The following CACNB2 variants were observed in gnomAD, a reference collection of about 807,000 sequenced individuals.
CACNB2 encodes voltage-dependent L-type calcium channel subunit beta-2.
A neutral mutation model predicts 73.3 loss-of-function variants in CACNB2; 42 were observed. The ratio of observed to expected loss-of-function variants is 0.57; its 90% CI spans 0.45 to 0.74. The LOEUF (loss-of-function observed/expected upper bound fraction) is 0.74. CACNB2 is among the 30% of genes least tolerant of loss of function. The probability of loss-of-function intolerance (pLI) is 0.00; values close to 1 mark genes in which losing one functional copy is unlikely to be tolerated. For missense variants in CACNB2, 940 were observed against 853.0 expected, an observed-to-expected ratio of 1.10 and a Z score of -1.27; for synonymous variants, 348 against 310.3, an observed-to-expected ratio of 1.12 and a Z score of -1.28.
In CACNB2 at chr10:18,322,876, A is replaced by AT. The variant is rs78454829; in HGVS notation, c.214-79035dup. Among the ~76,000 whole-genome samples the AT allele has an allele frequency of 9.1e-3, 1,302 of 142,750 alleles. 11 individuals are homozygous for AT. The highest frequency in any genetic ancestry group is 0.025 in the African/African-American group (965 of 39,174). 93.6% of individuals were successfully genotyped at this position (142,750 alleles called of 152,430 possible). A position where few individuals can be genotyped will look rare whatever the true frequency, so the allele number is the denominator to read the frequency against. ...CTAAAAACATCAAGAAATATTTTTAATTTTTTTTTTTTTGGAAATGAGATG... is the reference window on the plus strand; with the variant it reads ...CTAAAAACATCAAGAAATATTTTTAATTTTTTTTTTTTTTGGAAATGAGATG... On this transcript the variant is annotated intron_variant, in intron 2 of 13. Coordinates refer to ENST00000324631, the MANE Select transcript of CACNB2 (RefSeq NM_201596.3).
intron 2 of CACNB2, among the ~76,000 whole-genome samples, chr10:18,372,420 A>G (rs898310641): frequency 6.6e-6 from 1 of 151,986 alleles, no homozygotes; most frequent in Non-Finnish European, 1.5e-5. Context: ...TTTTACTTTT[A>G]TTTTGAGATG....
intron 2 of CACNB2, among the ~76,000 whole-genome samples, chr10:18,254,675 T>C (rs1299311700): frequency 6.6e-6 from 1 of 152,210 alleles, no homozygotes; most frequent in East Asian, 1.9e-4. Context: ...TGCATTTTGG[T>C]GGCTAAAGAA....
At chr10:18,148,373 G>T (rs2031202633) in intron 1 of CACNB2, among the ~76,000 whole-genome samples, 3 of 152,148 alleles carry the variant, frequency 2.0e-5, no homozygotes, top group Admixed American at 2.0e-4. Context: ...TCTTAGTACA[G>T]TTGAAAACTG....
chr10:18,297,933 G>A (rs2039345486), intron 2 of CACNB2, among the ~76,000 whole-genome samples: 1 of 152,146 alleles, frequency 6.6e-6, no homozygotes, highest in Non-Finnish European at 1.5e-5. Context: ...AGTGAAGGCC[G>A]AAGAATGTGG....
rs2047112083 is a variant in CACNB2, at chr10:18,453,433, C to T, written c.334-44922C>T. Among the ~76,000 whole-genome samples, 4 of 152,184 alleles carry T rather than the reference C, an allele frequency of 2.6e-5. No homozygotes were observed. The South Asian group carries it at 8.3e-4, about 32-fold the overall frequency. On this transcript the variant is annotated intron_variant, in intron 3 of 13. Transcript: ENST00000324631. ...CCTCCATCGCCTCCACAGGCCTGCT[C>T]CCTTGAGCTCTTTCTGTCCCTCCAT...
intron 3 of CACNB2, among the ~76,000 whole-genome samples, chr10:18,448,591 C>T (rs1021734154): frequency 6.6e-6 from 1 of 152,064 alleles, no homozygotes. Flanking sequence ...TGGCCTCAGC[C>T]CCAGAGTCTC....
At chr10:18,515,088 G>A (rs1286737830) in intron 7 of CACNB2, 1 of 1,441,300 alleles carries the variant, frequency 6.9e-7, no homozygotes, top group Non-Finnish European at 9.8e-7. Flanking sequence ...CGATGTTCTT[G>A]CCTTCTCCAT....
intron 2 of CACNB2, among the ~76,000 whole-genome samples, chr10:18,255,045 C>G (rs1425767916): frequency 6.6e-6 from 1 of 151,954 alleles, no homozygotes; most frequent in Non-Finnish European, 1.5e-5. Context: ...CCTAGCTGAT[C>G]TCCCTGGCTT....
chr10:18,218,466 A>G (rs1183327352), intron 2 of CACNB2, among the ~76,000 whole-genome samples: 2 of 152,246 alleles, frequency 1.3e-5, no homozygotes, highest in Non-Finnish European at 2.9e-5. Flanking sequence ...GTAGATAAGA[A>G]AATGGAGGCC....
intron 3 of CACNB2, among the ~76,000 whole-genome samples, chr10:18,476,048 ATATACT>A (rs2048423854): frequency 1.3e-5 from 2 of 152,230 alleles, no homozygotes; most frequent in Admixed American, 1.3e-4. Flanking sequence ...GCTTAACTGA[ATATACT>A]TATAGTTATT....
chr10:18,500,679 G>C (rs562233690), intron 4 of CACNB2, 133 bp from the exon 5 acceptor site: 164 of 906,646 alleles, frequency 1.8e-4, no homozygotes, highest in Admixed American at 6.3e-4. Flanking sequence ...TGAGCCGAAG[G>C]GTTTCTTGAA....
chr10:18,236,424 A>G (rs1055002719), intron 2 of CACNB2, among the ~76,000 whole-genome samples: 1 of 152,224 alleles, frequency 6.6e-6, no homozygotes, highest in South Asian at 2.1e-4. Context: ...AGGTAGAGAG[A>G]AAAAGAAGGA....
chr10:18,356,776 C>T (rs1049487117), intron 2 of CACNB2, among the ~76,000 whole-genome samples: 1 of 151,822 alleles, frequency 6.6e-6, no homozygotes, highest in African/African-American at 2.4e-5. Flanking sequence ...ACCACAGGCA[C>T]ATGCCACCAT....
At chr10:18,289,372 G>A (rs1295598894) in intron 2 of CACNB2, among the ~76,000 whole-genome samples, 1 of 142,100 alleles carries the variant, frequency 7.0e-6, no homozygotes, top group Non-Finnish European at 1.5e-5. Context: ...TCGGCTCACT[G>A]CAAGCTCCGC....
At position 18,380,611 on chromosome 10, in the gene CACNB2, C is replaced by T. The variant is rs528940101; in HGVS notation, c.214-21313C>T. ...CTGAGACTATAGGCACGTGCCACCA[C>T]GCCCAGCTAATATTTTTATTTTTAG... is the stretch of plus-strand genomic sequence containing the variant. On this transcript the variant is annotated intron_variant, in intron 2 of 13. Coordinates refer to ENST00000324631, the MANE Select transcript of CACNB2 (RefSeq NM_201596.3). 2.8e-3 allele frequency among the ~76,000 whole-genome samples: 429 copies of T among 151,818 alleles called. 3 individuals carry two copies. The highest frequency in any genetic ancestry group is 9.9e-3 in the African/African-American group (409 of 41,390).
At chr10:18,460,983 G>A (rs768291307) in intron 3 of CACNB2, among the ~76,000 whole-genome samples, 4 of 152,130 alleles carry the variant, frequency 2.6e-5, no homozygotes, top group Non-Finnish European at 5.9e-5. Flanking sequence ...AAGCTGGAGG[G>A]CAATGGCGTG....
intron 2 of CACNB2, among the ~76,000 whole-genome samples, chr10:18,204,106 C>A (rs865867285): frequency 1.2e-4 from 18 of 152,180 alleles, no homozygotes; most frequent in Non-Finnish European, 2.5e-4. Flanking sequence ...GACAAAGAGA[C>A]CTACTGCAGA....
At chr10:18,357,038 G>A (rs1354645006) in intron 2 of CACNB2, among the ~76,000 whole-genome samples, 1 of 142,390 alleles carries the variant, frequency 7.0e-6, no homozygotes, top group Non-Finnish European at 1.5e-5. Context: ...TCCGCCTCCC[G>A]GGTTCACGCC....
At chr10:18,326,560 T>A (rs149502384) in intron 2 of CACNB2, among the ~76,000 whole-genome samples, 1 of 152,206 alleles carries the variant, frequency 6.6e-6, no homozygotes, top group Non-Finnish European at 1.5e-5. Flanking sequence ...GATTAAATAC[T>A]GCAAATAAAT....
Sources: allele counts gnomAD v4.1 joint callset (sites outside exome capture counted in the v4.1 genomes callset), GRCh38; gene constraint gnomAD v4.1.1; transcripts MANE v1.5; gene names NCBI Gene and HGNC (gene_info 2026-07-23, HGNC 2026-07-21).